The following CD28 variants were observed in gnomAD, a reference collection of about 807,000 sequenced individuals.
CD28 encodes the protein T-cell-specific surface glycoprotein CD28.
CD28 carries 8 observed loss-of-function variants against 21.4 expected under a neutral mutation model. The ratio of observed to expected loss-of-function variants is 0.37; its 90% CI spans 0.22 to 0.68. The LOEUF (loss-of-function observed/expected upper bound fraction) is 0.68. Among genes scored for constraint, CD28 ranks in the 30% least tolerant of loss-of-function variants. The probability of loss-of-function intolerance (pLI) is 0.55; values close to 1 mark genes in which losing one functional copy is unlikely to be tolerated. For missense variants in CD28, 239 were observed against 272.2 expected, an observed-to-expected ratio of 0.88 and a Z score of 0.86; for synonymous variants, 106 against 104.0, an observed-to-expected ratio of 1.02 and a Z score of -0.12.
chr2:203,727,840 C>T (rs1364234476), intron 2 of CD28, among the ~76,000 whole-genome samples: 1 of 152,070 alleles, frequency 6.6e-6, no homozygotes, highest in African/African-American at 2.4e-5. Context: ...CCACCATGCC[C>T]GGCTAATTTT....
chr2:203,723,568 T>C (rs1045976665), intron 1 of CD28, among the ~76,000 whole-genome samples: 1 of 151,856 alleles, frequency 6.6e-6, no homozygotes, highest in African/African-American at 2.4e-5. Flanking sequence ...AACCAGTTAA[T>C]AAATGGGCAA....
Position 203,736,319 on chromosome 2 carries a change from A to C in CD28, c.*1407A>C, listed in dbSNP as rs200029987. ...AGAATGGAGTAATGAAATTCTTGCC[A>C]TGTGCTGAGGAGATAGCCAGCATTA... On this transcript the variant is annotated 3_prime_UTR_variant, in exon 4 of 4. Transcript: ENST00000324106. 6.5e-6 allele frequency: 1 copy of C among 152,680 alleles called. No homozygotes were observed. Among genetic ancestry groups the C allele is most frequent in the African/African-American group, 2.4e-5 (1 of 41,448 alleles). 9.5% of individuals were successfully genotyped at this position (152,680 alleles called of 1,614,324 possible). A position where few individuals can be genotyped will look rare whatever the true frequency, so the allele number is the denominator to read the frequency against.
At chr2:203,709,192 C>G (rs1398721197) in intron 1 of CD28, among the ~76,000 whole-genome samples, 1 of 152,060 alleles carries the variant, frequency 6.6e-6, no homozygotes, top group East Asian at 1.9e-4. Context: ...TACACACCTT[C>G]CATTAAGAAA....
chr2:203,719,357 T>C (rs982154137), intron 1 of CD28, among the ~76,000 whole-genome samples: 6 of 152,154 alleles, frequency 3.9e-5, no homozygotes, highest in Admixed American at 1.3e-4. Context: ...AATAAAATAG[T>C]GGGGAAAATG....
In CD28 at chr2:203,735,002, C is replaced by T. The variant is rs1375814987; in HGVS notation, c.*90C>T. 17 of 1,511,934 alleles carry T rather than the reference C, an allele frequency of 1.1e-5. No individual in the cohort carries two copies. The highest frequency in any genetic ancestry group is 4.6e-5 in the East Asian group (2 of 43,796). 93.7% of individuals were successfully genotyped at this position (1,511,934 alleles called of 1,614,324 possible). A position where few individuals can be genotyped will look rare whatever the true frequency, so the allele number is the denominator to read the frequency against. ...ATAGGAAATGACCGCCATCTCCAGC[C>T]GGCCACCTCAGGCCCCTGTTGGGCC... On this transcript the variant is annotated 3_prime_UTR_variant, in exon 4 of 4. Coordinates refer to ENST00000324106, the MANE Select transcript of CD28 (RefSeq NM_006139.4).
Position 203,737,031 on chromosome 2 carries a change from A to G in CD28, c.*2119A>G, listed in dbSNP as rs200209673. 4 of 152,368 alleles carry G rather than the reference A, an allele frequency of 2.6e-5. No individual in the cohort carries two copies. The highest frequency in any genetic ancestry group is 9.6e-5 in the African/African-American group (4 of 41,586). The allele number at this position is 152,368 out of a possible 1,614,324, so 9.4% of individuals were successfully genotyped here. On this transcript the variant is annotated 3_prime_UTR_variant, in exon 4 of 4. Transcript: ENST00000324106. Reference sequence around the variant, plus strand: ...CTACGCAGGGATGAGGTGCTATAATATGAGGACCTTTTAACTTCCATCATT... The same window carrying G: ...CTACGCAGGGATGAGGTGCTATAATGTGAGGACCTTTTAACTTCCATCATT...
chr2:203,715,797 G>A (rs1044393995), intron 1 of CD28, among the ~76,000 whole-genome samples: 1 of 152,038 alleles, frequency 6.6e-6, no homozygotes, highest in Non-Finnish European at 1.5e-5. Context: ...TACCCAGTGC[G>A]TGAACTCTGG....
intron 1 of CD28, among the ~76,000 whole-genome samples, chr2:203,713,744 A>G (rs1036953265): frequency 1.3e-4 from 20 of 152,136 alleles, no homozygotes; most frequent in African/African-American, 3.9e-4. Flanking sequence ...AATGTCTACC[A>G]TGGTATTTTG....
intron 1 of CD28, among the ~76,000 whole-genome samples, chr2:203,711,003 G>A (rs958738733): frequency 1.3e-5 from 2 of 152,168 alleles, no homozygotes; most frequent in Non-Finnish European, 2.9e-5. Flanking sequence ...TTACATCTGG[G>A]TGGTTTTGTG....
intron 1 of CD28, among the ~76,000 whole-genome samples, chr2:203,724,706 A>G (rs1693692946): frequency 6.6e-6 from 1 of 152,152 alleles, no homozygotes; most frequent in African/African-American, 2.4e-5. Flanking sequence ...ATTATATAGG[A>G]GACAAAAAGC....
chr2:203,711,264 T>G (rs535690840), intron 1 of CD28, among the ~76,000 whole-genome samples: 9 of 152,362 alleles, frequency 5.9e-5, no homozygotes, highest in African/African-American at 2.2e-4. Flanking sequence ...TTTTTCCTTG[T>G]TAATCTCATT....
chr2:203,720,290 A>C (rs1693572766), intron 1 of CD28, among the ~76,000 whole-genome samples: 1 of 152,242 alleles, frequency 6.6e-6, no homozygotes, highest in Non-Finnish European at 1.5e-5. Flanking sequence ...TGAAAAGCAA[A>C]GCACTAAATT....
intron 2 of CD28, among the ~76,000 whole-genome samples, chr2:203,728,217 T>C (rs1233428623): frequency 6.6e-6 from 1 of 152,214 alleles, no homozygotes; most frequent in East Asian, 1.9e-4. Flanking sequence ...CACCTAACTT[T>C]TTCATAGTCA....
chr2:203,714,297 G>A (rs1050519768), intron 1 of CD28, among the ~76,000 whole-genome samples: 3 of 152,072 alleles, frequency 2.0e-5, no homozygotes, highest in Non-Finnish European at 4.4e-5. Flanking sequence ...CCTCAACAAT[G>A]CACACTATGG....
rs199781686 is a variant in CD28 at position 203,729,668 on chromosome 2, C to T, written c.430C>T (p.Pro144Ser). The change falls in exon 3 of 4, where the codon CCC becomes TCC. Residue 144 changes from proline to serine, a missense_variant. Coordinates refer to ENST00000324106, the MANE Select transcript of CD28 (RefSeq NM_006139.4). ...HVKGKHLCPSPLFPGPSKPFW... is the reference protein window; with the variant it reads ...HVKGKHLCPSSLFPGPSKPFW... The stretch of plus-strand genomic sequence containing the variant: ...TTCAGGGAAACACCTTTGTCCAAGT[C>T]CCCTATTTCCCGGACCTTCTAAGCC... The T allele has an allele frequency of 6.8e-6, 11 of 1,613,924 alleles. No homozygotes were observed. The highest frequency in any genetic ancestry group is 9.3e-6 in the Non-Finnish European group (11 of 1,179,822).
rs1694045618 is a variant in CD28, at chr2:203,736,712, T to G, written c.*1800T>G. The G allele has an allele frequency of 6.6e-6, 1 of 152,194 alleles. No homozygotes were observed. Among genetic ancestry groups the G allele is most frequent in the South Asian group, 2.1e-4 (1 of 4,828 alleles). The allele number at this position is 152,194 out of a possible 1,614,324, so 9.4% of individuals were successfully genotyped here. On this transcript the variant is annotated 3_prime_UTR_variant, in exon 4 of 4. Coordinates refer to ENST00000324106, the MANE Select transcript of CD28 (RefSeq NM_006139.4). ...AGGTTTTAGAGGCACGTAGACTTGG[T>G]TCAAGTCTCGTTAGTAGTTGAATAG... is the stretch of plus-strand genomic sequence containing the variant.
chr2:203,723,745 G>C (rs562375811), intron 1 of CD28, among the ~76,000 whole-genome samples: 1 of 152,162 alleles, frequency 6.6e-6, no homozygotes, highest in Non-Finnish European at 1.5e-5. Context: ...ACAATAACAA[G>C]TGTCGGCAAG....
intron 1 of CD28, among the ~76,000 whole-genome samples, chr2:203,726,425 G>T (rs1485510173): frequency 6.6e-6 from 1 of 152,112 alleles, no homozygotes. Context: ...ATGCTCCATT[G>T]TTCCATTCAA....
intron 1 of CD28, among the ~76,000 whole-genome samples, chr2:203,718,779 C>T (rs1693531728): frequency 6.6e-6 from 1 of 152,164 alleles, no homozygotes; most frequent in Admixed American, 6.5e-5. Context: ...AAATGTAATT[C>T]ACAAAAGCCC....
Sources: gnomAD v4.1 joint callset for allele counts (sites outside exome capture counted in the v4.1 genomes callset) on GRCh38, gnomAD v4.1.1 for gene constraint, MANE v1.5 for transcripts, NCBI Gene and HGNC (gene_info 2026-07-23, HGNC 2026-07-21) for gene names.